ANXA7: variants seen among roughly 807,000 people sequenced by gnomAD.
ANXA7 encodes the protein annexin A7.
ANXA7 carries 55 observed loss-of-function variants against 64.9 expected under a neutral mutation model. That is an observed-to-expected ratio of 0.85 (90% CI 0.68 to 1.06). ANXA7 has a LOEUF of 1.06. ANXA7 is among the 50% of genes least tolerant of loss of function. The pLI, the probability that ANXA7 is intolerant of heterozygous loss-of-function variation, is 0.00. For missense variants in ANXA7, 548 were observed against 582.1 expected, an observed-to-expected ratio of 0.94 and a Z score of 0.60; for synonymous variants, 200 against 192.4, an observed-to-expected ratio of 1.04 and a Z score of -0.33.
chr10:73,411,629 A>C (rs1161509407), intron 1 of ANXA7, among the ~76,000 whole-genome samples: 1 of 152,104 alleles, frequency 6.6e-6, no homozygotes, highest in African/African-American at 2.4e-5. Flanking sequence ...ACAGGGTTTC[A>C]TCATGTTGGC....
intron 5 of ANXA7, among the ~76,000 whole-genome samples, chr10:73,392,943 T>C (rs1054470212): frequency 9.2e-5 from 14 of 152,078 alleles, no homozygotes; most frequent in African/African-American, 3.1e-4. Flanking sequence ...GATTGTATAT[T>C]TAGAAAACCC....
At position 73,383,571 on chromosome 10, in the gene ANXA7, T is replaced by C; in HGVS notation, c.747+6A>G. The C allele has an allele frequency of 1.9e-6, 3 of 1,582,464 alleles. No homozygotes were observed. Among genetic ancestry groups the C allele is most frequent in the Non-Finnish European group, 2.6e-6 (3 of 1,151,542 alleles). On this transcript the variant is annotated splice_donor_region_variant and intron_variant, in intron 8 of 12. Transcript: ENST00000372921. ...AATATTCATAATAAATGACATATAGTAGTACCTGCATTGCTTTCCGTAAGC... is the reference window on the plus strand; with the variant it reads ...AATATTCATAATAAATGACATATAGCAGTACCTGCATTGCTTTCCGTAAGC...
intron 1 of ANXA7, among the ~76,000 whole-genome samples, chr10:73,409,773 GC>G (rs2055811639): frequency 6.6e-6 from 1 of 152,228 alleles, no homozygotes; most frequent in South Asian, 2.1e-4. Flanking sequence ...TACACTACAA[GC>G]CTATAGCTAC....
chr10:73,413,604 T>A (rs2055878350), intron 1 of ANXA7, among the ~76,000 whole-genome samples: 2 of 152,128 alleles, frequency 1.3e-5, no homozygotes, highest in South Asian at 4.1e-4. Context: ...TTTCCCCAAG[T>A]TTCCCTAAAT....
chr10:73,378,780 C>G, intron 12 of ANXA7, 131 bp downstream of exon 12: 1 of 676,376 alleles, frequency 1.5e-6, no homozygotes, highest in Non-Finnish European at 2.6e-6. Flanking sequence ...TTCTTTATAC[C>G]ACCTCTTTTA....
intron 1 of ANXA7, among the ~76,000 whole-genome samples, chr10:73,404,958 A>G (rs1212425237): frequency 6.6e-6 from 1 of 151,948 alleles, no homozygotes; most frequent in Non-Finnish European, 1.5e-5. Context: ...TTAAAAATAC[A>G]AAAATTAGGG....
chr10:73,386,826 C>T (rs2055380653), intron 7 of ANXA7, among the ~76,000 whole-genome samples: 1 of 152,106 alleles, frequency 6.6e-6, no homozygotes, highest in African/African-American at 2.4e-5. Flanking sequence ...CGCCACCACG[C>T]CCAGCTAATA....
intron 3 of ANXA7, 81 bp downstream of exon 3, chr10:73,398,100 C>G (rs1002004779): frequency 2.9e-6 from 4 of 1,387,740 alleles, no homozygotes; most frequent in Non-Finnish European, 3.9e-6. Context: ...ACAAAACAAG[C>G]AGGAATGAAG....
chr10:73,386,880 G>T (rs1163470103), intron 7 of ANXA7, among the ~76,000 whole-genome samples: 1 of 152,040 alleles, frequency 6.6e-6, no homozygotes, highest in African/African-American at 2.4e-5. Context: ...TCCCTATGTT[G>T]CCCAGGCTGG....
rs2055157852 is a variant in ANXA7, at chr10:73,375,649, T to G, written c.*446A>C. On this transcript the variant is annotated 3_prime_UTR_variant, in exon 13 of 13. Transcript: ENST00000372921. Reference sequence around the variant, plus strand: ...AATGAGATGCAAATTATTCTAGATGTAAAGGTTGAATTTTTTTTTAAAGTA... The same window carrying G: ...AATGAGATGCAAATTATTCTAGATGGAAAGGTTGAATTTTTTTTTAAAGTA... 1 of 145,490 alleles carries G rather than the reference T, an allele frequency of 6.9e-6. No individual in the cohort carries two copies. Among genetic ancestry groups the G allele is most frequent in the Admixed American group, 6.7e-5 (1 of 14,942 alleles). The allele number at this position is 145,490 out of a possible 1,614,324, so 9.0% of individuals were successfully genotyped here. A position where few individuals can be genotyped will look rare whatever the true frequency, so the allele number is the denominator to read the frequency against.
chr10:73,394,450 T>TG (rs1215374310), intron 5 of ANXA7, among the ~76,000 whole-genome samples: 1 of 152,130 alleles, frequency 6.6e-6, no homozygotes, highest in Non-Finnish European at 1.5e-5. Flanking sequence ...AGCAAAGACT[T>TG]GGAACCAACC....
At chr10:73,378,788 T>C (rs2132649829) in intron 12 of ANXA7, 123 bp downstream of exon 12, 1 of 711,166 alleles carries the variant, frequency 1.4e-6, no homozygotes. Flanking sequence ...ACCACCTCTT[T>C]TAGGTGGCAA....
chr10:73,408,282 T>G (rs983837277), intron 1 of ANXA7: 4 of 149,232 alleles, frequency 2.7e-5, no homozygotes, highest in African/African-American at 9.9e-5. Flanking sequence ...TTTGCATCAT[T>G]GCACTCCAGT....
At chr10:73,412,657 C>G (rs931883355) in intron 1 of ANXA7, among the ~76,000 whole-genome samples, 5 of 151,774 alleles carry the variant, frequency 3.3e-5, no homozygotes, top group African/African-American at 1.2e-4. Flanking sequence ...CCACGCCCAG[C>G]TAATTTTTGT....
chr10:73,391,051 C>T (rs951535488), intron 5 of ANXA7, among the ~76,000 whole-genome samples: 1 of 151,646 alleles, frequency 6.6e-6, no homozygotes, highest in Admixed American at 6.6e-5. Context: ...ACCTGTAGTC[C>T]CAGCTACTCA....
intron 7 of ANXA7, among the ~76,000 whole-genome samples, chr10:73,386,144 G>A (rs1203245377): frequency 6.6e-6 from 1 of 150,966 alleles, no homozygotes; most frequent in Non-Finnish European, 1.5e-5. Flanking sequence ...TGCCTGGAAA[G>A]TGGAGGCTGC....
Position 73,398,320 on chromosome 10 carries a change from T to G in ANXA7, c.120A>C (p.Pro40=), listed in dbSNP as rs1465108891. 2 of 1,613,876 alleles carry G rather than the reference T, an allele frequency of 1.2e-6. No individual in the cohort carries two copies. The highest frequency in any genetic ancestry group is 1.3e-5 in the African/African-American group (1 of 74,868). The change falls in exon 3 of 13, where the codon CCA becomes CCC. Residue 40 remains proline, a synonymous_variant. Transcript: ENST00000372921. ...CTTGTGGGTAGGCACCTCCTCCCAT[T>G]GGAGGAAAGCCACTAGGATAAGGAT... ...GQYPYPSGFP[P]MGGGAYPQVP... is the part of the protein sequence containing the mutation.
Position 73,387,783 on chromosome 10 carries a change from C to T in ANXA7, c.539G>A (p.Gly180Glu). 2 of 1,608,896 alleles carry T rather than the reference C, an allele frequency of 1.2e-6. No homozygotes were observed. Among genetic ancestry groups the T allele is most frequent in the Non-Finnish European group, 8.5e-7 (1 of 1,178,650 alleles). The change falls in exon 7 of 13, where the codon GGG becomes GAG. Residue 180 changes from glycine to glutamate, a missense_variant and splice_region_variant. Coordinates refer to ENST00000372921, the MANE Select transcript of ANXA7 (RefSeq NM_001156.5). ...EILRKAMKGF[G>E]TDEQAIVDVV... ...ATCCACAATTGCCTGCTCATCTGTC[C>T]CTGGAAGAACCACACATGTTTAAGT... is the stretch of plus-strand genomic sequence containing the variant.
chr10:73,405,324 C>T (rs963161906), intron 1 of ANXA7, among the ~76,000 whole-genome samples: 2 of 150,728 alleles, frequency 1.3e-5, no homozygotes, highest in Admixed American at 6.6e-5. Context: ...GGCGGATCAA[C>T]TGAGGTCAGG....
Sources: allele counts gnomAD v4.1 joint callset (sites outside exome capture counted in the v4.1 genomes callset), GRCh38; gene constraint gnomAD v4.1.1; transcripts MANE v1.5; gene names NCBI Gene and HGNC (gene_info 2026-07-23, HGNC 2026-07-21).